The following BRAF variants were observed in gnomAD, a reference collection of about 807,000 sequenced individuals.
BRAF encodes the protein serine/threonine-protein kinase B-raf.
Under a neutral mutation model 104.6 loss-of-function variants are expected in BRAF, and 16 were observed. That is an observed-to-expected ratio of 0.15 (90% CI 0.10 to 0.23). BRAF has a LOEUF of 0.23. Ranked by LOEUF, BRAF falls within the 10% of genes least tolerant of loss-of-function variation. The pLI is 1.00. For synonymous variants in BRAF, 310 were observed against 341.6 expected (o/e 0.91, Z 1.02); for missense variants, 541 against 937.3 (o/e 0.58, Z 5.52).
the BRAF span, among the ~76,000 whole-genome samples, chr7:140,714,082 G>A: frequency 5.9e-5 from 9 of 152,244 alleles, no homozygotes; most frequent in Non-Finnish European, 1.0e-4. Flanking sequence ...CAGTCTGCCC[G>A]TTCTCAGATC....
intron 2 of BRAF, among the ~76,000 whole-genome samples, chr7:140,838,741 G>A (rs1029338745): frequency 2.0e-5 from 3 of 152,232 alleles, no homozygotes; most frequent in East Asian, 1.9e-4. Flanking sequence ...TCAAGACAGC[G>A]CAATAATTTT....
intron 14 of BRAF, among the ~76,000 whole-genome samples, chr7:140,758,761 T>C (rs190575812): frequency 6.5e-4 from 99 of 152,354 alleles, no homozygotes; most frequent in Non-Finnish European, 1.2e-3. Context: ...TTTTCACTTT[T>C]AAAAACTGAA....
At chr7:140,738,971 A>C (rs1219958409) in intron 18 of BRAF, among the ~76,000 whole-genome samples, 1 of 151,890 alleles carries the variant, frequency 6.6e-6, no homozygotes, top group Non-Finnish European at 1.5e-5. Flanking sequence ...ATATGGAAAA[A>C]AAAAAAAAAA....
At chr7:140,810,604 C>T (rs1394808971) in intron 3 of BRAF, among the ~76,000 whole-genome samples, 6 of 152,064 alleles carry the variant, frequency 3.9e-5, no homozygotes, top group Non-Finnish European at 7.4e-5. Context: ...CTTTTACCTA[C>T]CCAGCAAGGT....
At chr7:140,773,934 A>T (rs139482675) in intron 14 of BRAF, among the ~76,000 whole-genome samples, 102 of 152,298 alleles carry the variant, frequency 6.7e-4, no homozygotes, top group Non-Finnish European at 1.2e-3. Flanking sequence ...TTTAAAAAAA[A>T]TTCCTTTATT....
At chr7:140,736,249 T>A (rs1720399791) in intron 18 of BRAF, among the ~76,000 whole-genome samples, 1 of 151,040 alleles carries the variant, frequency 6.6e-6, no homozygotes, top group African/African-American at 2.4e-5. Context: ...TTTGTATTTT[T>A]AGTAGAGACG....
At chr7:140,731,780 T>TA (rs2130854589) in intron 19 of BRAF, 1 of 152,310 alleles carries the variant, frequency 6.6e-6, no homozygotes, top group East Asian at 1.9e-4. Flanking sequence ...TGAAACTATT[T>TA]AAAATCAAGA....
At chr7:140,920,696 A>G (rs1389784895) in intron 1 of BRAF, among the ~76,000 whole-genome samples, 1 of 152,232 alleles carries the variant, frequency 6.6e-6, no homozygotes, top group Non-Finnish European at 1.5e-5. Context: ...AATGGCCAAC[A>G]TATAAAATGA....
At chr7:140,749,081 A>G (rs1797577985) in intron 17 of BRAF, 1 of 547,940 alleles carries the variant, frequency 1.8e-6, no homozygotes, top group Non-Finnish European at 3.2e-6. Flanking sequence ...ATTTTATTCC[A>G]TTGTAACATT....
At chr7:140,773,926 T>TA (rs1468603940) in intron 14 of BRAF, among the ~76,000 whole-genome samples, 1 of 152,168 alleles carries the variant, frequency 6.6e-6, no homozygotes, top group Non-Finnish European at 1.5e-5. Flanking sequence ...GTCCATGCTT[T>TA]AAAAAAAATT....
intron 14 of BRAF, among the ~76,000 whole-genome samples, chr7:140,773,046 C>T (rs117333453): frequency 0.017 from 2,558 of 152,146 alleles, 35 homozygotes; most frequent in Non-Finnish European, 0.027. Context: ...ACCTCTGTTC[C>T]TGTTTAGTGG....
intron 16 of BRAF, 41 bp downstream of exon 15, chr7:140,753,234 G>A (rs2128998007): frequency 6.7e-7 from 1 of 1,489,898 alleles, no homozygotes. Flanking sequence ...GCATCTCAGG[G>A]CCAAAAATTT....
chr7:140,767,075 C>T (rs1339615063), intron 14 of BRAF, among the ~76,000 whole-genome samples: 3 of 152,154 alleles, frequency 2.0e-5, no homozygotes, highest in Non-Finnish European at 2.9e-5. Flanking sequence ...GCGATCTTGA[C>T]TCTCTGCAGC....
chr7:140,897,135 G>A (rs1815014510), intron 1 of BRAF, among the ~76,000 whole-genome samples: 1 of 151,312 alleles, frequency 6.6e-6, no homozygotes, highest in South Asian at 2.1e-4. Context: ...TCACGTGGAA[G>A]AGTGAATGAG....
At chr7:140,761,175 C>A (rs1798687832) in intron 14 of BRAF, among the ~76,000 whole-genome samples, 1 of 152,214 alleles carries the variant, frequency 6.6e-6, no homozygotes. Flanking sequence ...GCCCATCAGA[C>A]TAACAGCGGA....
chr7:140,888,613 A>C (rs1201830232), intron 1 of BRAF, among the ~76,000 whole-genome samples: 1 of 152,166 alleles, frequency 6.6e-6, no homozygotes, highest in Non-Finnish European at 1.5e-5. Context: ...AGGCGGGCAG[A>C]TCACCTGAGG....
rs752604323 is a variant in BRAF at position 140,808,878 on chromosome 7, C to T, written c.608+14G>A. 57 of 1,596,816 alleles carry T rather than the reference C, an allele frequency of 3.6e-5. No individual in the cohort carries two copies. The highest frequency in any genetic ancestry group is 2.2e-4 in the Middle Eastern group (1 of 4,598). ...TCTTTTTAAACAAAATTTCACGTCA[C>T]ATACAAACCATACCCATCCTGAATT... On this transcript the variant is annotated intron_variant, in intron 4 of 19. Coordinates refer to ENST00000644969, the MANE Select transcript of BRAF (RefSeq NM_001374258.1).
rs1795469511 is a variant in BRAF, at chr7:140,724,203, C to G, written c.*2291G>C. Reference sequence around the variant, plus strand: ...AGCTTCCTCCCTAATGGTACCGCCCCTGCCCCTGCCCCACGGAGGCAGTCC... The same window carrying G: ...AGCTTCCTCCCTAATGGTACCGCCCGTGCCCCTGCCCCACGGAGGCAGTCC... On this transcript the variant is annotated 3_prime_UTR_variant, in exon 20 of 20. Coordinates refer to ENST00000644969, the MANE Select transcript of BRAF (RefSeq NM_001374258.1). 9.5e-7 allele frequency: 1 copy of G among 1,057,088 alleles called. No homozygotes were observed. Among genetic ancestry groups the G allele is most frequent in the Non-Finnish European group, 1.1e-6 (1 of 874,246 alleles). The allele number at this position is 1,057,088 out of a possible 1,614,324, so 65.5% of individuals were successfully genotyped here.
Position 140,721,999 on chromosome 7 carries a change from A to G in BRAF, c.*4495T>C, listed in dbSNP as rs532357954. 3.4e-6 allele frequency: 4 copies of G among 1,174,578 alleles called. No individual in the cohort carries two copies. The African/African-American group carries it at 6.3e-5, about 18-fold the overall frequency. 72.8% of individuals were successfully genotyped at this position (1,174,578 alleles called of 1,614,324 possible). Reference sequence around the variant, plus strand: ...AAACCAAATTCGGTCCTATATTTCAATTTCCCCTTCTAAGTTAATACATGA... The same window carrying G: ...AAACCAAATTCGGTCCTATATTTCAGTTTCCCCTTCTAAGTTAATACATGA... On this transcript the variant is annotated 3_prime_UTR_variant, in exon 20 of 20. Coordinates refer to ENST00000644969, the MANE Select transcript of BRAF (RefSeq NM_001374258.1).
Sources: allele counts gnomAD v4.1 joint callset (sites outside exome capture counted in the v4.1 genomes callset), GRCh38; gene constraint gnomAD v4.1.1; transcripts MANE v1.5; gene names NCBI Gene and HGNC (gene_info 2026-07-23, HGNC 2026-07-21).